The following SPMIP2 variants were observed in gnomAD, a reference collection of about 807,000 sequenced individuals.
SPMIP2 encodes the protein sperm microtubule inner protein 2.
At chr4:158,986,914 T>A in the SPMIP2 span, among the ~76,000 whole-genome samples, 19 of 139,020 alleles carry the variant, frequency 1.4e-4, no homozygotes, top group South Asian at 4.6e-3. Context: ...GAATCTACAA[T>A]GAACTCAAAC....
chr4:158,991,234 G>A, the SPMIP2 span, among the ~76,000 whole-genome samples: 11 of 152,226 alleles, frequency 7.2e-5, no homozygotes, highest in Admixed American at 1.3e-4. Flanking sequence ...GGCAGACTGG[G>A]GACAGAAAGA....
At chr4:159,037,789 C>T in the SPMIP2 span, among the ~76,000 whole-genome samples, 4 of 50,976 alleles carry the variant, frequency 7.8e-5, no homozygotes, top group South Asian at 7.5e-4. Flanking sequence ...AATATATACA[C>T]ACACACACAC....
At chr4:159,043,054 C>A in the SPMIP2 span, among the ~76,000 whole-genome samples, 2 of 152,326 alleles carry the variant, frequency 1.3e-5, no homozygotes, top group East Asian at 3.9e-4. Flanking sequence ...CTTTGCTCCT[C>A]GTGAATTCTT....
At chr4:158,911,334 C>T in the SPMIP2 span, among the ~76,000 whole-genome samples, 9 of 117,204 alleles carry the variant, frequency 7.7e-5, no homozygotes, top group South Asian at 1.6e-3. Flanking sequence ...GGCAACAGAG[C>T]GAGACTCCGT....
the SPMIP2 span, among the ~76,000 whole-genome samples, chr4:158,936,797 G>A: frequency 5.3e-5 from 8 of 152,132 alleles, no homozygotes; most frequent in Non-Finnish European, 8.8e-5. Flanking sequence ...TATTTTCCTC[G>A]CTACATTGGC....
chr4:159,082,083 G>A, the SPMIP2 span, among the ~76,000 whole-genome samples: 1 of 149,576 alleles, frequency 6.7e-6, no homozygotes, highest in African/African-American at 2.5e-5. Context: ...TTTGGGAGGA[G>A]AAGGCGAGCA....
chr4:159,066,589 TTATATATATATATATATATATA>T, the SPMIP2 span, among the ~76,000 whole-genome samples: 493 of 76,614 alleles, frequency 6.4e-3, 7 homozygotes, highest in African/African-American at 0.02. Flanking sequence ...TGTGTGTATT[TTATATATATATATATATATATA>T]TATATATATA....
chr4:159,054,093 C>T, the SPMIP2 span, among the ~76,000 whole-genome samples: 1 of 152,298 alleles, frequency 6.6e-6, no homozygotes, highest in Admixed American at 6.5e-5. Flanking sequence ...TCCTGCTTCA[C>T]CTCCTCAGCC....
chr4:159,031,468 A>C, the SPMIP2 span, among the ~76,000 whole-genome samples: 1 of 152,236 alleles, frequency 6.6e-6, no homozygotes, highest in Non-Finnish European at 1.5e-5. Context: ...AGAAGGGAAG[A>C]CTGCACCAGT....
At chr4:158,907,375 C>T in the SPMIP2 span, 7 of 152,042 alleles carry the variant, frequency 4.6e-5, no homozygotes, top group Admixed American at 2.0e-4. Flanking sequence ...ATGGAACTGC[C>T]GTTTACACAT....
the SPMIP2 span, among the ~76,000 whole-genome samples, chr4:159,002,206 T>A: frequency 1.4e-4 from 21 of 152,206 alleles, no homozygotes; most frequent in Admixed American, 1.2e-3. Flanking sequence ...CTGTTCCTTA[T>A]GGATGCTGGA....
the SPMIP2 span, among the ~76,000 whole-genome samples, chr4:159,044,482 T>C: frequency 1.3e-5 from 2 of 150,122 alleles, no homozygotes; most frequent in African/African-American, 2.5e-5. Flanking sequence ...ACAACCTAGA[T>C]GGGAGAAGTT....
chr4:159,023,064 A>T, the SPMIP2 span, among the ~76,000 whole-genome samples: 1 of 142,278 alleles, frequency 7.0e-6, no homozygotes, highest in African/African-American at 3.0e-5. Flanking sequence ...AATAAAATAA[A>T]ATAAAATAAA....
chr4:158,989,021 G>A, the SPMIP2 span, among the ~76,000 whole-genome samples: 1 of 152,136 alleles, frequency 6.6e-6, no homozygotes, highest in Non-Finnish European at 1.5e-5. Flanking sequence ...AAGCTGATAA[G>A]CAACTTTGGC....
the SPMIP2 span, among the ~76,000 whole-genome samples, chr4:158,908,292 A>C: frequency 1.3e-5 from 2 of 152,162 alleles, no homozygotes; most frequent in Non-Finnish European, 2.9e-5. Context: ...CCATGGGATG[A>C]GGACTTGTCC....
chr4:159,054,016 C>T, the SPMIP2 span, among the ~76,000 whole-genome samples: 1 of 151,576 alleles, frequency 6.6e-6, no homozygotes, highest in Non-Finnish European at 1.5e-5. Flanking sequence ...TTTTTTTGCC[C>T]AGGCTGGAGT....
chr4:158,992,607 G>A, the SPMIP2 span, among the ~76,000 whole-genome samples: 1 of 152,310 alleles, frequency 6.6e-6, no homozygotes, highest in Non-Finnish European at 1.5e-5. Flanking sequence ...TAAGTAACTT[G>A]TAAAGAACAG....
At chr4:159,037,699 G>C in the SPMIP2 span, among the ~76,000 whole-genome samples, 2 of 151,174 alleles carry the variant, frequency 1.3e-5, no homozygotes, top group Non-Finnish European at 2.9e-5. Context: ...TGAGAGCCCA[G>C]GAGTTTGAGA....
the SPMIP2 span, among the ~76,000 whole-genome samples, chr4:158,992,473 G>A: frequency 0.33 from 50,512 of 152,044 alleles, 9,040 homozygotes; most frequent in Middle Eastern, 0.4. Flanking sequence ...TACTGTAAAT[G>A]TGAGAGTAGA....
Sources: gnomAD v4.1 joint callset for allele counts (sites outside exome capture counted in the v4.1 genomes callset) on GRCh38, gnomAD v4.1.1 for gene constraint, MANE v1.5 for transcripts, NCBI Gene and HGNC (gene_info 2026-07-23, HGNC 2026-07-21) for gene names.